The following GBP6 variants were observed in gnomAD, a reference collection of about 807,000 sequenced individuals.
GBP6 encodes the protein guanylate-binding protein 6.
A neutral mutation model predicts 61.5 loss-of-function variants in GBP6; 54 were observed. The observed-to-expected ratio is 0.88, with a 90% confidence interval of 0.71 to 1.10. The LOEUF is 1.10. Among genes scored for constraint, GBP6 ranks in the 50% least tolerant of loss-of-function variants. The pLI is 0.00. For synonymous variants in GBP6, 255 were observed against 273.7 expected (o/e 0.93, Z 0.67); for missense variants, 748 against 752.8 (o/e 0.99, Z 0.07).
chr1:89,369,705 T>A lies in GBP6; in HGVS notation c.318+32T>A, dbSNP rs1425920235. On this transcript the variant is annotated intron_variant, in intron 3 of 10. Transcript: ENST00000370456. Reference sequence around the variant, plus strand: ...CAGAGAGTCATAGACAGGTTCCTTTTATTCCAGACGTGATCCTTGTAATTA... The same window carrying A: ...CAGAGAGTCATAGACAGGTTCCTTTAATTCCAGACGTGATCCTTGTAATTA... 8 of 1,599,768 alleles carry A rather than the reference T, an allele frequency of 5.0e-6. No individual in the cohort carries two copies. In the African/African-American group the frequency reaches 9.4e-5, roughly 19 times the overall value.
At chr1:89,368,396 C>T in intron 1 of GBP6, 133 bp from the exon 2 acceptor site, 1 of 585,920 alleles carries the variant, frequency 1.7e-6, no homozygotes, top group Non-Finnish European at 3.1e-6. Flanking sequence ...ATAAAAGAAG[C>T]CTTGTGCAGT....
intron 5 of GBP6, among the ~76,000 whole-genome samples, 194 bp from the exon 6 acceptor site, chr1:89,380,192 T>C (rs1262673029): frequency 1.3e-5 from 2 of 152,180 alleles, no homozygotes; most frequent in Non-Finnish European, 2.9e-5. Flanking sequence ...CTTCAGAGGA[T>C]TTTACTAAAA....
chr1:89,370,946 A>G (rs142442966), intron 3 of GBP6, among the ~76,000 whole-genome samples: 1 of 152,298 alleles, frequency 6.6e-6, no homozygotes, highest in East Asian at 1.9e-4. Context: ...GAGTTTATTT[A>G]TCTTTCATAA....
rs776076864 is a variant in GBP6 at position 89,385,482 on chromosome 1, T to C, written c.*13T>C. On this transcript the variant is annotated 3_prime_UTR_variant, in exon 11 of 11. Transcript: ENST00000370456. ...GCTCCCCTTTTAAGGATATTATAGATTGTACATATATGCTTTGGACTATTT... is the reference window on the plus strand; with the variant it reads ...GCTCCCCTTTTAAGGATATTATAGACTGTACATATATGCTTTGGACTATTT... The C allele has an allele frequency of 1.2e-5, 19 of 1,611,694 alleles. No individual in the cohort carries two copies. Among genetic ancestry groups the C allele is most frequent in the Non-Finnish European group, 1.5e-5 (18 of 1,178,770 alleles).
chr1:89,386,899 G>C lies in GBP6; in HGVS notation c.*1430G>C, dbSNP rs1653159216. Reference sequence around the variant, plus strand: ...ACCCTTAATTGTTAGAATCTAAGAAGATTCAGTTATAGTAATGAGTGGCAG... The same window carrying C: ...ACCCTTAATTGTTAGAATCTAAGAACATTCAGTTATAGTAATGAGTGGCAG... On this transcript the variant is annotated 3_prime_UTR_variant, in exon 11 of 11. Coordinates refer to ENST00000370456, the MANE Select transcript of GBP6 (RefSeq NM_198460.3). 6.6e-6 allele frequency among the ~76,000 whole-genome samples: 1 copy of C among 152,188 alleles called. No homozygotes were observed.
At chr1:89,377,722 T>C (rs1393301805) in intron 3 of GBP6, among the ~76,000 whole-genome samples, 3 of 152,200 alleles carry the variant, frequency 2.0e-5, no homozygotes, top group Admixed American at 2.0e-4. Context: ...TGAATATAAT[T>C]ACAATCCCCA....
At chr1:89,384,952 C>T (rs1653092900) in intron 10 of GBP6, among the ~76,000 whole-genome samples, 1 of 152,164 alleles carries the variant, frequency 6.6e-6, no homozygotes, top group Admixed American at 6.5e-5. Context: ...GCAATCAGAC[C>T]AATGGCTACC....
In GBP6 at chr1:89,385,773, T is replaced by G. The variant is rs1557545091; in HGVS notation, c.*304T>G. On this transcript the variant is annotated 3_prime_UTR_variant, in exon 11 of 11. Transcript: ENST00000370456. ...GTCTCGAACTCTTGACCTCAAATGA[T>G]CCACCCGCCTCGGCCTCCCAAAGTG... The G allele has an allele frequency of 4.7e-6, 1 of 214,560 alleles. No homozygotes were observed. The allele number at this position is 214,560 out of a possible 1,614,324, so 13.3% of individuals were successfully genotyped here.
intron 3 of GBP6, among the ~76,000 whole-genome samples, chr1:89,373,036 T>C (rs1652690189): frequency 6.6e-6 from 1 of 152,200 alleles, no homozygotes; most frequent in Non-Finnish European, 1.5e-5. Context: ...AAAGAAGACA[T>C]TTATGCACCC....
chr1:89,383,812 A>G, intron 9 of GBP6, 58 bp downstream of exon 9: 1 of 1,262,998 alleles, frequency 7.9e-7, no homozygotes, highest in South Asian at 1.3e-5. Flanking sequence ...GCCCTCTAAC[A>G]GATCTAACAG....
chr1:89,365,461 T>G (rs769038113), intron 1 of GBP6, among the ~76,000 whole-genome samples: 2 of 152,228 alleles, frequency 1.3e-5, no homozygotes, highest in Non-Finnish European at 2.9e-5. Flanking sequence ...ATCTCCATTT[T>G]CCTTACTCCC....
At chr1:89,371,209 G>A (rs183744307) in intron 3 of GBP6, among the ~76,000 whole-genome samples, 19 of 152,046 alleles carry the variant, frequency 1.2e-4, no homozygotes, top group Admixed American at 5.9e-4. Flanking sequence ...AGACGGATTC[G>A]CAGCTGAATT....
intron 3 of GBP6, among the ~76,000 whole-genome samples, chr1:89,371,276 T>C (rs1440666913): frequency 6.6e-6 from 1 of 152,062 alleles, no homozygotes; most frequent in South Asian, 2.1e-4. Context: ...TTCCAATCAA[T>C]AGAAAAAGAT....
intron 3 of GBP6, among the ~76,000 whole-genome samples, chr1:89,370,884 A>G (rs1245290204): frequency 6.6e-6 from 1 of 152,190 alleles, no homozygotes; most frequent in African/African-American, 2.4e-5. Flanking sequence ...TGAAGGTCAC[A>G]ATCAATATAG....
rs1485973172 is a variant in GBP6, at chr1:89,368,739, A to G, written c.188A>G (p.His63Arg). The G allele has an allele frequency of 5.0e-6, 8 of 1,611,588 alleles. No homozygotes were observed. Among genetic ancestry groups the G allele is most frequent in the Non-Finnish European group, 6.8e-6 (8 of 1,178,120 alleles). Residue 63 changes from histidine (H) to arginine (R), a missense_variant and splice_region_variant, in exon 2 of 11, where the codon CAT becomes CGT. Transcript: ENST00000370456. ...ATGAACCATCTGGCAGGACAGAATC[A>G]TGGTAAGTGGTATCCTGGGACACAG... Reference protein sequence around the residue: ...YLMNHLAGQNHGFPLGSTVQS... With the variant: ...YLMNHLAGQNRGFPLGSTVQS...
intron 3 of GBP6, among the ~76,000 whole-genome samples, chr1:89,373,336 G>T (rs890775104): frequency 1.3e-5 from 2 of 152,120 alleles, no homozygotes; most frequent in African/African-American, 4.8e-5. Flanking sequence ...AAGGATTATA[G>T]ATCATGCTGC....
intron 6 of GBP6, 87 bp from the exon 7 acceptor site, chr1:89,381,607 A>G: frequency 1.5e-6 from 2 of 1,344,254 alleles, no homozygotes; most frequent in South Asian, 2.8e-5. Context: ...CGTGTATGTA[A>G]GTGCATGTGT....
rs199680832 is a variant in GBP6, at chr1:89,382,882, G to A, written c.1365+6G>A. The A allele has an allele frequency of 2.6e-5, 41 of 1,595,174 alleles. No homozygotes were observed. The highest frequency in any genetic ancestry group is 1.6e-4 in the African/African-American group (12 of 74,518). On this transcript the variant is annotated splice_donor_region_variant and intron_variant, in intron 8 of 10. Transcript: ENST00000370456. Reference sequence around the variant, plus strand: ...TTCCCAGGAAAGGAGTAAAGGTAAGGAATAAGGGGAGCATGGGGAAGTTTA... The same window carrying A: ...TTCCCAGGAAAGGAGTAAAGGTAAGAAATAAGGGGAGCATGGGGAAGTTTA...
At position 89,371,259 on chromosome 1, in the gene GBP6, G is replaced by C. The variant is rs541549248; in HGVS notation, c.318+1586G>C. On this transcript the variant is annotated intron_variant, in intron 3 of 10. Transcript: ENST00000370456. ...AGGAGGAGCTGGTACCATTCCTTCTGAAACTATTCCAATCAATAGAAAAAG... is the reference window on the plus strand; with the variant it reads ...AGGAGGAGCTGGTACCATTCCTTCTCAAACTATTCCAATCAATAGAAAAAG... Among the ~76,000 whole-genome samples, 8 of 152,168 alleles carry C rather than the reference G, an allele frequency of 5.3e-5. No individual in the cohort carries two copies. The East Asian group carries it at 1.5e-3, about 29-fold the overall frequency.
Sources: gnomAD v4.1 joint callset for allele counts (sites outside exome capture counted in the v4.1 genomes callset) on GRCh38, gnomAD v4.1.1 for gene constraint, MANE v1.5 for transcripts, NCBI Gene and HGNC (gene_info 2026-07-23, HGNC 2026-07-21) for gene names.